Variants in GLI3 observed in about 807,000 individuals in gnomAD.
The protein encoded by GLI3 is transcription activator GLI3.
GLI3 carries 20 observed loss-of-function variants against 100.8 expected under a neutral mutation model. The observed-to-expected ratio is 0.20, with a 90% confidence interval of 0.14 to 0.29. GLI3 has a LOEUF of 0.29. Among genes scored for constraint, GLI3 ranks in the 10% least tolerant of loss-of-function variants. The pLI is 1.00. For missense variants in GLI3, 2,040 were observed against 2,128.5 expected (o/e 0.96, Z 0.82); for synonymous variants, 938 against 860.5 (o/e 1.09, Z -1.58).
At chr7:42,255,074 C>CT (rs1409630914) in intron 1 of GLI3, among the ~76,000 whole-genome samples, 5 of 148,788 alleles carry the variant, frequency 3.4e-5, no homozygotes, top group Non-Finnish European at 5.9e-5. Context: ...TTTTCTGTTT[C>CT]TGTTTTTTTT....
chr7:42,107,465 A>C (rs976608196), intron 3 of GLI3, among the ~76,000 whole-genome samples: 1 of 152,260 alleles, frequency 6.6e-6, no homozygotes, highest in African/African-American at 2.4e-5. Context: ...GTATTTGGGC[A>C]TAAGAAACAG....
chr7:42,238,465 A>C (rs920337207), upstream of GLI3, among the ~76,000 whole-genome samples: 5 of 151,432 alleles, frequency 3.3e-5, no homozygotes, highest in Non-Finnish European at 5.9e-5. Flanking sequence ...TCTCCACCGG[A>C]CTCGTCTGCC....
chr7:42,170,493 C>G (rs1343667219), intron 2 of GLI3, among the ~76,000 whole-genome samples: 2 of 147,618 alleles, frequency 1.4e-5, no homozygotes, highest in African/African-American at 5.0e-5. Context: ...AGCTCCGCCT[C>G]CTGGGTTCAA....
At chr7:42,115,360 G>A (rs1319746330) in intron 3 of GLI3, among the ~76,000 whole-genome samples, 2 of 151,938 alleles carry the variant, frequency 1.3e-5, no homozygotes, top group Non-Finnish European at 2.9e-5. Context: ...GGCTGGTCTG[G>A]AACTCCTGAC....
intron 3 of GLI3, among the ~76,000 whole-genome samples, chr7:42,092,908 A>G (rs1259061911): frequency 1.3e-5 from 2 of 151,564 alleles, no homozygotes; most frequent in African/African-American, 2.4e-5. Flanking sequence ...CCGTCTCTGG[A>G]GTTCAAGCAA....
At position 41,965,399 on chromosome 7, in the gene GLI3, C is replaced by T. The variant is rs1787137691; in HGVS notation, c.3674G>A (p.Gly1225Asp). Residue 1225 changes from glycine to aspartate, a missense_variant, in exon 15 of 15, where the codon GGC becomes GAC. Gly to Asp is a moderately conservative substitution (Grantham distance 94, BLOSUM62 -1). Transcript: ENST00000395925. ...GTTGTGGAGCATCAAGTGCTCTGGG[C>T]CACCGTAGGGGTTGCTGTTCTCCCC... ...TLGENSNPYG[G>D]PEHLMLHNSP... The T allele has an allele frequency of 1.2e-6, 2 of 1,610,928 alleles. No individual in the cohort carries two copies. Among genetic ancestry groups the T allele is most frequent in the Non-Finnish European group, 8.5e-7 (1 of 1,178,720 alleles).
intron 7 of GLI3, among the ~76,000 whole-genome samples, chr7:42,032,619 G>C (rs2128735251): frequency 6.6e-6 from 1 of 152,256 alleles, no homozygotes; most frequent in South Asian, 2.1e-4. Context: ...TTCTATATAA[G>C]GCAGGAGGGT....
At chr7:42,260,826 A>G (rs1222759841) in intron 1 of GLI3, among the ~76,000 whole-genome samples, 1 of 152,120 alleles carries the variant, frequency 6.6e-6, no homozygotes, top group Non-Finnish European at 1.5e-5. Flanking sequence ...TTCCTGATAG[A>G]GAGGGGGCAG....
intron 3 of GLI3, among the ~76,000 whole-genome samples, chr7:42,115,558 T>A (rs745549807): frequency 6.6e-6 from 1 of 152,180 alleles, no homozygotes; most frequent in Non-Finnish European, 1.5e-5. Flanking sequence ...GACGTGGATG[T>A]TACATTAACT....
At chr7:42,018,225 T>G (rs1788825895) in intron 10 of GLI3, among the ~76,000 whole-genome samples, 2 of 152,236 alleles carry the variant, frequency 1.3e-5, no homozygotes, top group African/African-American at 4.8e-5. Context: ...AAAGATGGCT[T>G]TGAAGTTTGT....
intron 2 of GLI3, among the ~76,000 whole-genome samples, chr7:42,211,713 G>A (rs1304641320): frequency 1.3e-5 from 2 of 152,130 alleles, no homozygotes; most frequent in African/African-American, 2.4e-5. Flanking sequence ...CATTAACTAA[G>A]CCTAGTATTC....
At chr7:42,140,966 G>A (rs1443783081) in intron 3 of GLI3, among the ~76,000 whole-genome samples, 3 of 152,140 alleles carry the variant, frequency 2.0e-5, no homozygotes, top group Non-Finnish European at 2.9e-5. Context: ...AGGACGGAGG[G>A]AAAGAAATCA....
intron 3 of GLI3, among the ~76,000 whole-genome samples, chr7:42,129,402 A>C (rs1786215321): frequency 1.3e-5 from 2 of 152,258 alleles, no homozygotes; most frequent in African/African-American, 2.4e-5. Flanking sequence ...CCATTTCTGC[A>C]AGATGCATAG....
intron 4 of GLI3, 108 bp from the exon 5 acceptor site, chr7:42,048,804 G>A: frequency 1.3e-6 from 1 of 785,860 alleles, no homozygotes; most frequent in South Asian, 1.5e-5. Flanking sequence ...GAATTCAAAG[G>A]AGCCTTGTGG....
intron 6 of GLI3, 70 bp from the exon 7 acceptor site, chr7:42,040,309 G>A (rs1562698692): frequency 8.7e-7 from 1 of 1,153,304 alleles, no homozygotes; most frequent in African/African-American, 1.5e-5. Flanking sequence ...ATTGCTACTT[G>A]CCTACGTGGA....
chr7:42,156,623 A>G (rs1255420264), intron 2 of GLI3, among the ~76,000 whole-genome samples: 2 of 152,218 alleles, frequency 1.3e-5, no homozygotes, highest in African/African-American at 2.4e-5. Context: ...TCAGAAGGCC[A>G]GAGTGTCCAG....
chr7:42,057,001 T>C (rs1380537971), intron 4 of GLI3, among the ~76,000 whole-genome samples: 1 of 142,476 alleles, frequency 7.0e-6, no homozygotes, highest in Non-Finnish European at 1.5e-5. Context: ...AAAAAAAAAG[T>C]CTCTTATTCT....
chr7:42,024,635 T>C (rs1789050392), intron 9 of GLI3, among the ~76,000 whole-genome samples: 1 of 152,134 alleles, frequency 6.6e-6, no homozygotes, highest in Non-Finnish European at 1.5e-5. Flanking sequence ...GAGATGATAT[T>C]ATGGGTATAA....
In GLI3 at chr7:41,966,356, G is replaced by C. The variant is rs368058804; in HGVS notation, c.2717C>G (p.Ser906Cys). ...DPISTDASRR[S>C]SEASQSDGLP... ...GCCGTCGCTCTGGCTGGCTTCGCTG[G>C]AGCGGCGCGAGGCGTCGGTGGAGAT... Residue 906 changes from serine (S) to cysteine (C), a missense_variant, in exon 15 of 15, where the codon TCC (serine) becomes TGC (cysteine). By Grantham distance (112) the Ser-to-Cys change is moderately radical. Around this residue, in one of 5 missense-constraint regions of GLI3, gnomAD observed 8 missense variants for 23.9 expected, o/e 0.33. Coordinates refer to ENST00000395925, the MANE Select transcript of GLI3 (RefSeq NM_000168.6). The surrounding 1 kb of genome is among the most constrained non-coding windows in gnomAD (Gnocchi z 5.8). 1 of 1,608,284 alleles carries C rather than the reference G, an allele frequency of 6.2e-7. No individual in the cohort carries two copies. Among genetic ancestry groups the C allele is most frequent in the East Asian group, 2.2e-5 (1 of 44,840 alleles).
Sources: allele counts gnomAD v4.1 joint callset (sites outside exome capture counted in the v4.1 genomes callset), GRCh38; gene constraint gnomAD v4.1.1; regional missense constraint gnomAD v4.1.1; non-coding constraint Gnocchi (gnomAD v3.1); transcripts MANE v1.5; gene names NCBI Gene and HGNC (gene_info 2026-07-23, HGNC 2026-07-21).